The following PARP8 variants were observed in gnomAD, a reference collection of about 807,000 sequenced individuals.
PARP8 encodes protein mono-ADP-ribosyltransferase PARP8.
Under a neutral mutation model 124.1 loss-of-function variants are expected in PARP8, and 51 were observed. That is an observed-to-expected ratio of 0.41 (90% CI 0.33 to 0.52). The LOEUF (loss-of-function observed/expected upper bound fraction) is 0.52. Ranked by LOEUF, PARP8 falls within the 20% of genes least tolerant of loss-of-function variation. The pLI is 0.21. For missense variants in PARP8, 860 were observed against 1,018.9 expected, an observed-to-expected ratio of 0.84 and a Z score of 2.12; for synonymous variants, 391 against 361.5, an observed-to-expected ratio of 1.08 and a Z score of -0.93.
intron 3 of PARP8, among the ~76,000 whole-genome samples, chr5:50,751,933 A>T (rs116697346): frequency 2.6e-5 from 4 of 152,194 alleles, no homozygotes; most frequent in African/African-American, 9.6e-5. Flanking sequence ...TTAGGTAGAC[A>T]TCTTGTTTTA....
chr5:50,700,578 G>A (rs1753490222), intron 2 of PARP8, among the ~76,000 whole-genome samples: 1 of 152,156 alleles, frequency 6.6e-6, no homozygotes, highest in Non-Finnish European at 1.5e-5. Context: ...CTTAATTTGA[G>A]CAACTACAAG....
intron 2 of PARP8, among the ~76,000 whole-genome samples, chr5:50,721,052 A>T (rs956341179): frequency 1.3e-5 from 2 of 151,036 alleles, no homozygotes; most frequent in Admixed American, 6.6e-5. Flanking sequence ...TGTCAGGAGA[A>T]GGTCATCTAA....
In PARP8 at chr5:50,751,829, C is replaced by T. The variant is rs551832524; in HGVS notation, c.184+1641C>T. ...GTTAGTATTTTTATGGAGCTTTCTT[C>T]ACAGTGAAATTAATATGATAATGTT... On this transcript the variant is annotated intron_variant, in intron 3 of 25. Transcript: ENST00000281631. Among the ~76,000 whole-genome samples, 3 of 152,204 alleles carry T rather than the reference C, an allele frequency of 2.0e-5. No homozygotes were observed. In the East Asian group the frequency reaches 5.8e-4, roughly 29 times the overall value.
intron 2 of PARP8, among the ~76,000 whole-genome samples, chr5:50,689,647 A>G (rs112769667): frequency 0.015 from 2,246 of 152,294 alleles, 57 homozygotes; most frequent in African/African-American, 0.052. Flanking sequence ...AGTGAAAGGA[A>G]TATTTGGGGA....
At chr5:50,798,193 G>C (rs1580377084) in intron 14 of PARP8, among the ~76,000 whole-genome samples, 1 of 151,914 alleles carries the variant, frequency 6.6e-6, no homozygotes, top group Admixed American at 6.6e-5. Context: ...TACCACATTT[G>C]TTTATCCAGT....
chr5:50,682,061 T>A (rs1175370408), intron 2 of PARP8, among the ~76,000 whole-genome samples: 1 of 152,188 alleles, frequency 6.6e-6, no homozygotes, highest in Non-Finnish European at 1.5e-5. Flanking sequence ...TTATTTCATA[T>A]CCTTTGACTT....
intron 2 of PARP8, among the ~76,000 whole-genome samples, chr5:50,733,037 C>G (rs1757131851): frequency 6.6e-6 from 1 of 151,718 alleles, no homozygotes; most frequent in Non-Finnish European, 1.5e-5. Flanking sequence ...CGCGGTGGCT[C>G]ATGCCTGTAA....
chr5:50,718,238 A>T (rs1345313033), intron 2 of PARP8, among the ~76,000 whole-genome samples: 1 of 152,028 alleles, frequency 6.6e-6, no homozygotes, highest in Non-Finnish European at 1.5e-5. Flanking sequence ...ATATTCTGGG[A>T]GTTTGACATT....
chr5:50,826,744 T>G lies in PARP8; in HGVS notation c.1929-11T>G. ...CATGTATTTGTGACTAATGGATCAT[T>G]TTAATTTCAGGGTTATATCAAGTAA... On this transcript the variant is annotated splice_polypyrimidine_tract_variant and intron_variant, in intron 18 of 25. Coordinates refer to ENST00000281631, the MANE Select transcript of PARP8 (RefSeq NM_024615.4). 6.3e-7 allele frequency: 1 copy of G among 1,579,572 alleles called. No individual in the cohort carries two copies. Among genetic ancestry groups the G allele is most frequent in the Non-Finnish European group, 8.6e-7 (1 of 1,169,118 alleles).
rs34400961 is a variant in PARP8 at position 50,707,627 on chromosome 5, CAGAGAGAGAG to C, written c.146+39530_146+39539del. Among the ~76,000 whole-genome samples the C allele has an allele frequency of 3.0e-3, 429 of 145,196 alleles. 1 individual carries two copies. The highest frequency in any genetic ancestry group is 7.0e-3 in the African/African-American group (274 of 39,154). ...GAGAGATAGAGATAGATAGGGGAGA[CAGAGAGAGAG>C]AGAGAGAGAGAGAGAGAGAGAGAGA... On this transcript the variant is annotated intron_variant, in intron 2 of 25. Transcript: ENST00000281631.
chr5:50,823,067 T>C (rs1199735318), intron 17 of PARP8, among the ~76,000 whole-genome samples: 1 of 152,204 alleles, frequency 6.6e-6, no homozygotes, highest in East Asian at 1.9e-4. Flanking sequence ...TAATCTGAGA[T>C]TGACAACGCA....
chr5:50,731,347 C>G (rs1373117983), intron 2 of PARP8, among the ~76,000 whole-genome samples: 1 of 152,136 alleles, frequency 6.6e-6, no homozygotes, highest in Non-Finnish European at 1.5e-5. Context: ...TTTTGCTCTT[C>G]TGTCCAAAAG....
At chr5:50,785,334 T>C (rs1360310569) in intron 9 of PARP8, among the ~76,000 whole-genome samples, 1 of 152,206 alleles carries the variant, frequency 6.6e-6, no homozygotes, top group Non-Finnish European at 1.5e-5. Context: ...AACATTTGTG[T>C]CTAGTGTTAT....
intron 2 of PARP8, among the ~76,000 whole-genome samples, chr5:50,688,005 C>A (rs1752060868): frequency 1.3e-5 from 2 of 152,100 alleles, no homozygotes; most frequent in South Asian, 4.1e-4. Flanking sequence ...ATGTGTGCCA[C>A]CATACTGGCT....
At chr5:50,822,509 G>A (rs1478660553) in intron 17 of PARP8, 109 bp downstream of exon 17, 3 of 826,280 alleles carry the variant, frequency 3.6e-6, no homozygotes, top group Non-Finnish European at 5.9e-6. Flanking sequence ...AAAAATTTGT[G>A]CGGTATTAAG....
chr5:50,823,626 A>T (rs565226174), intron 17 of PARP8, among the ~76,000 whole-genome samples: 1 of 152,216 alleles, frequency 6.6e-6, no homozygotes, highest in African/African-American at 2.4e-5. Flanking sequence ...AATCATATAA[A>T]CATTTTTAGT....
chr5:50,743,476 TG>T (rs1758254425), intron 2 of PARP8, among the ~76,000 whole-genome samples: 1 of 151,858 alleles, frequency 6.6e-6, no homozygotes, highest in Non-Finnish European at 1.5e-5. Flanking sequence ...GGTCTGGAGG[TG>T]GGTAGTGGGA....
intron 3 of PARP8, among the ~76,000 whole-genome samples, chr5:50,751,963 T>G (rs946742600): frequency 1.3e-5 from 2 of 152,186 alleles, no homozygotes; most frequent in African/African-American, 4.8e-5. Context: ...TGTTTGTTCT[T>G]CCTTTCCAAC....
intron 16 of PARP8, 67 bp downstream of exon 16, chr5:50,821,405 T>C: frequency 6.6e-7 from 1 of 1,525,270 alleles, no homozygotes; most frequent in Non-Finnish European, 9.1e-7. Context: ...ATTGAGATTG[T>C]AGTCTCATTA....
Sources: gnomAD v4.1 joint callset for allele counts (sites outside exome capture counted in the v4.1 genomes callset) on GRCh38, gnomAD v4.1.1 for gene constraint, MANE v1.5 for transcripts, NCBI Gene and HGNC (gene_info 2026-07-23, HGNC 2026-07-21) for gene names.